ENOX1: variants seen among roughly 807,000 people sequenced by gnomAD.
ENOX1 encodes ecto-NOX disulfide-thiol exchanger 1.
In ENOX1, 42 loss-of-function variants were observed where a neutral mutation model predicts 82.5. That is an observed-to-expected ratio of 0.51 (90% confidence interval 0.40 to 0.66). ENOX1 has a LOEUF of 0.66. ENOX1 is among the 30% of genes least tolerant of loss of function. ENOX1 has a pLI of 0.00. For missense variants in ENOX1, 608 were observed against 811.6 expected (o/e 0.75, Z 3.05); for synonymous variants, 271 against 282.2 (o/e 0.96, Z 0.40).
intron 5 of ENOX1, among the ~76,000 whole-genome samples, chr13:43,390,768 A>T (rs1317915940): frequency 1.3e-5 from 2 of 152,148 alleles, no homozygotes; most frequent in African/African-American, 2.4e-5. Flanking sequence ...CTAGACAAAT[A>T]ACTTCAAAGA....
In ENOX1 at chr13:43,236,691, G is replaced by C; in HGVS notation, c.1659C>G (p.Asn553Lys). 6.3e-7 allele frequency: 1 copy of C among 1,587,892 alleles called. No individual in the cohort carries two copies. Among genetic ancestry groups the C allele is most frequent in the Non-Finnish European group, 8.5e-7 (1 of 1,173,354 alleles). Residue 553 changes from asparagine (N) to lysine (K), a missense_variant, in exon 15 of 17, where the codon AAC becomes AAG. Transcript: ENST00000690772. Reference sequence around the variant, plus strand: ...AGCCTTGGCTTCTTTTCTCAATATTGTTCTCTCGGTCTTGGTTGACTAATG... The same window carrying C: ...AGCCTTGGCTTCTTTTCTCAATATTCTTCTCTCGGTCTTGGTTGACTAATG... ...TVALVNQDRE[N>K]NIEKRSQGLK...
chr13:43,538,613 A>C (rs950937785), intron 2 of ENOX1, among the ~76,000 whole-genome samples: 3 of 152,156 alleles, frequency 2.0e-5, no homozygotes, highest in African/African-American at 7.2e-5. Context: ...TATTTAATAT[A>C]TTACTTGCTA....
intron 2 of ENOX1, among the ~76,000 whole-genome samples, chr13:43,602,307 T>C (rs2081759853): frequency 6.6e-6 from 1 of 151,860 alleles, no homozygotes; most frequent in Non-Finnish European, 1.5e-5. Flanking sequence ...GGTAAATACA[T>C]CAATAGATCA....
intron 14 of ENOX1, among the ~76,000 whole-genome samples, chr13:43,238,131 G>C (rs1481784181): frequency 6.6e-6 from 1 of 152,182 alleles, no homozygotes; most frequent in Non-Finnish European, 1.5e-5. Flanking sequence ...GCTGATGGTA[G>C]GAAAATCCCA....
At chr13:43,325,825 C>T (rs1006175811) in intron 10 of ENOX1, among the ~76,000 whole-genome samples, 3 of 152,048 alleles carry the variant, frequency 2.0e-5, no homozygotes, top group African/African-American at 7.2e-5. Flanking sequence ...TTCTAAGTGG[C>T]AAGGAGGTCA....
At chr13:43,254,357 T>C (rs952092377) in intron 14 of ENOX1, among the ~76,000 whole-genome samples, 2 of 152,222 alleles carry the variant, frequency 1.3e-5, no homozygotes, top group Non-Finnish European at 2.9e-5. Flanking sequence ...GCAAATATTA[T>C]TGAGGCTATT....
chr13:43,493,852 C>T (rs1034480360), intron 2 of ENOX1, among the ~76,000 whole-genome samples: 9 of 152,080 alleles, frequency 5.9e-5, no homozygotes, highest in African/African-American at 2.2e-4. Context: ...AAGAACTGCT[C>T]GAGGCTGGGT....
intron 5 of ENOX1, among the ~76,000 whole-genome samples, chr13:43,406,968 G>A (rs1054437157): frequency 4.6e-5 from 7 of 152,214 alleles, no homozygotes; most frequent in African/African-American, 1.7e-4. Context: ...CTCACGGCCA[G>A]AGAATATCCA....
Position 43,616,197 on chromosome 13 carries a change from TATATATA to T in ENOX1, c.-219+51275_-219+51281del, listed in dbSNP as rs1566642450. 9.2e-3 allele frequency among the ~76,000 whole-genome samples: 199 copies of T among 21,732 alleles called. 48 individuals are homozygous for T. Among genetic ancestry groups the T allele is most frequent in the Middle Eastern group, 0.062 (1 of 16 alleles). 14.3% of individuals were successfully genotyped at this position (21,732 alleles called of 152,430 possible). On this transcript the variant is annotated intron_variant, in intron 2 of 16. Coordinates refer to ENST00000690772, the MANE Select transcript of ENOX1 (RefSeq NM_001347969.2). ...ATCTATCTATCTATCTATATATATATATATATATTTTTTTTTTTTTTTTAGGACGGAG... is the reference window on the plus strand; with the variant it reads ...ATCTATCTATCTATCTATATATATATTTTTTTTTTTTTTTTTAGGACGGAG...
chr13:43,367,180 C>A (rs560794432), intron 5 of ENOX1, among the ~76,000 whole-genome samples: 1 of 152,248 alleles, frequency 6.6e-6, no homozygotes, highest in Admixed American at 6.5e-5. Context: ...AGTAATGACA[C>A]TTATTTTGAG....
chr13:43,661,749 G>T (rs1330850886), intron 2 of ENOX1, among the ~76,000 whole-genome samples: 1 of 152,150 alleles, frequency 6.6e-6, no homozygotes, highest in Non-Finnish European at 1.5e-5. Flanking sequence ...GATACAGGCA[G>T]CCCAGTAAAA....
In ENOX1 at chr13:43,528,164, A is replaced by G. The variant is rs576104034; in HGVS notation, c.-218-44012T>C. On this transcript the variant is annotated intron_variant, in intron 2 of 16. Coordinates refer to ENST00000690772, the MANE Select transcript of ENOX1 (RefSeq NM_001347969.2). ...AGGCTTAATTTTGTTGATGAAACCT[A>G]TGACAGACTTCTAGACCCACCTTAC... Among the ~76,000 whole-genome samples the G allele has an allele frequency of 1.4e-4, 21 of 152,252 alleles. 1 individual carries two copies. The Middle Eastern group carries it at 0.01, about 74-fold the overall frequency.
chr13:43,694,671 C>G (rs555611382), intron 1 of ENOX1, among the ~76,000 whole-genome samples: 1 of 152,252 alleles, frequency 6.6e-6, no homozygotes, highest in South Asian at 2.1e-4. Flanking sequence ...TAGAAGTAGG[C>G]AAAATTTTAA....
intron 5 of ENOX1, among the ~76,000 whole-genome samples, chr13:43,364,112 T>C (rs1251457712): frequency 6.6e-6 from 1 of 152,082 alleles, no homozygotes; most frequent in Non-Finnish European, 1.5e-5. Flanking sequence ...TAACAATATA[T>C]GTAAAGATGG....
intron 2 of ENOX1, among the ~76,000 whole-genome samples, chr13:43,640,821 A>G (rs1449942701): frequency 6.6e-6 from 1 of 152,062 alleles, no homozygotes; most frequent in Non-Finnish European, 1.5e-5. Context: ...TAAGATTTAA[A>G]TTATTTAATA....
intron 12 of ENOX1, among the ~76,000 whole-genome samples, chr13:43,272,203 G>A (rs1457881111): frequency 2.0e-5 from 3 of 152,134 alleles, no homozygotes; most frequent in African/African-American, 7.2e-5. Flanking sequence ...CCATGCTTCT[G>A]ATGGGGTATA....
intron 2 of ENOX1, among the ~76,000 whole-genome samples, chr13:43,512,619 T>G (rs929034996): frequency 8.8e-5 from 4 of 45,480 alleles, no homozygotes; most frequent in Admixed American, 3.6e-4. Context: ...TGTGTGTGGG[T>G]TTTTTTTTTT....
At chr13:43,706,764 TA>T (rs1447789447) in intron 1 of ENOX1, among the ~76,000 whole-genome samples, 1 of 151,350 alleles carries the variant, frequency 6.6e-6, no homozygotes, top group Non-Finnish European at 1.5e-5. Flanking sequence ...TAAAACTATC[TA>T]AAAAAAATCT....
chr13:43,431,042 A>T (rs1450743742), intron 3 of ENOX1, among the ~76,000 whole-genome samples: 2 of 48,444 alleles, frequency 4.1e-5, no homozygotes, highest in Non-Finnish European at 6.6e-5. Flanking sequence ...AATGAACATA[A>T]AAAAAAAATC....
Sources: allele counts gnomAD v4.1 joint callset (sites outside exome capture counted in the v4.1 genomes callset), GRCh38; gene constraint gnomAD v4.1.1; transcripts MANE v1.5; gene names NCBI Gene and HGNC (gene_info 2026-07-23, HGNC 2026-07-21).